The following THSD7A variants were observed in gnomAD, a reference collection of about 807,000 sequenced individuals.
THSD7A encodes the protein thrombospondin type-1 domain-containing protein 7A.
In THSD7A, 96 loss-of-function variants were observed where a neutral mutation model predicts 231.3. The observed-to-expected ratio is 0.41, with a 90% CI of 0.35 to 0.49. The LOEUF (loss-of-function observed/expected upper bound fraction) is 0.49. THSD7A is among the 20% of genes least tolerant of loss of function. The pLI is 0.05. For missense variants in THSD7A, 2,290 were observed against 2,070.2 expected (o/e 1.11, Z -2.06); for synonymous variants, 940 against 743.3 (o/e 1.26, Z -4.30).
intron 2 of THSD7A, among the ~76,000 whole-genome samples, chr7:11,620,056 A>G (rs184681748): frequency 2.0e-5 from 3 of 152,306 alleles, no homozygotes; most frequent in South Asian, 2.1e-4. Flanking sequence ...GGGGTTGACA[A>G]ACGTGATCAA....
At chr7:11,757,544 A>G (rs1306503165) in intron 1 of THSD7A, among the ~76,000 whole-genome samples, 1 of 152,040 alleles carries the variant, frequency 6.6e-6, no homozygotes, top group East Asian at 1.9e-4. Flanking sequence ...ACTTAAATTC[A>G]GATCTTCTGG....
chr7:11,702,189 C>T, intron 1 of THSD7A, among the ~76,000 whole-genome samples: 1 of 151,208 alleles, frequency 6.6e-6, no homozygotes, highest in Non-Finnish European at 1.5e-5. Flanking sequence ...TTTATTAGTT[C>T]ATACTTCTAA....
At chr7:11,720,740 T>C (rs1468951202) in intron 1 of THSD7A, among the ~76,000 whole-genome samples, 1 of 151,758 alleles carries the variant, frequency 6.6e-6, no homozygotes, top group African/African-American at 2.4e-5. Flanking sequence ...GCAAAGTGGA[T>C]CCTTCTCAGG....
In THSD7A at chr7:11,446,774, G is replaced by A. The variant is rs548504092; in HGVS notation, c.2801-450C>T. ...GTTCAGAGTGATGGATCCTAATCCT[G>A]CTCATTATATTCATGCTGTTAGTCA... On this transcript the variant is annotated intron_variant, in intron 12 of 27. Transcript: ENST00000423059. This position sits in a 1 kb window ranked among gnomAD's most constrained non-coding sequence, Gnocchi z 4.0. 1.4e-4 allele frequency among the ~76,000 whole-genome samples: 21 copies of A among 152,186 alleles called. No individual in the cohort carries two copies. Among genetic ancestry groups the A allele is most frequent in the African/African-American group, 5.1e-4 (21 of 41,546 alleles).
At chr7:11,420,826 C>A (rs1479191068) in intron 16 of THSD7A, among the ~76,000 whole-genome samples, 2 of 152,190 alleles carry the variant, frequency 1.3e-5, no homozygotes, top group Non-Finnish European at 2.9e-5. Context: ...GGGAACCCAC[C>A]CCTGTGTCAT....
chr7:11,551,238 C>T (rs1400592297), intron 4 of THSD7A, among the ~76,000 whole-genome samples: 3 of 151,998 alleles, frequency 2.0e-5, no homozygotes, highest in Non-Finnish European at 4.4e-5. Context: ...TACTATAAAA[C>T]TCTAGAAGAA....
At chr7:11,376,748 C>A in intron 26 of THSD7A, 91 bp from the exon 27 acceptor site, 1 of 885,288 alleles carries the variant, frequency 1.1e-6, no homozygotes, top group Non-Finnish European at 1.7e-6. Context: ...TCATATATGA[C>A]CAATTTCTTT....
chr7:11,523,484 G>T (rs1024429939), intron 6 of THSD7A, among the ~76,000 whole-genome samples: 4 of 152,000 alleles, frequency 2.6e-5, no homozygotes, highest in African/African-American at 9.7e-5. Flanking sequence ...GATTATGTGT[G>T]ATTAAAGTTG....
chr7:11,389,420 GCTTTTTTTTTTTTTTTT>G (rs1782891375), intron 23 of THSD7A, among the ~76,000 whole-genome samples: 1 of 54,548 alleles, frequency 1.8e-5, no homozygotes, highest in African/African-American at 5.9e-5. Flanking sequence ...TGCAACTCCT[GCTTTTTTTTTTTTTTTT>G]TTTTTTTTTT....
chr7:11,550,415 T>C (rs1789578229), intron 4 of THSD7A, among the ~76,000 whole-genome samples: 2 of 152,102 alleles, frequency 1.3e-5, no homozygotes, highest in African/African-American at 4.8e-5. Flanking sequence ...CCAAATCTCA[T>C]CTCAAATTGT....
At chr7:11,741,204 C>T (rs182533398) in intron 1 of THSD7A, among the ~76,000 whole-genome samples, 6 of 151,928 alleles carry the variant, frequency 3.9e-5, no homozygotes, top group Admixed American at 6.6e-5. Context: ...CTTTTCCTCC[C>T]GAAGGTAAAA....
At chr7:11,490,140 A>T (rs1339185690) in intron 6 of THSD7A, among the ~76,000 whole-genome samples, 1 of 152,018 alleles carries the variant, frequency 6.6e-6, no homozygotes, top group Non-Finnish European at 1.5e-5. Context: ...CTGGGGTAAA[A>T]GGCTGTCTTC....
intron 4 of THSD7A, among the ~76,000 whole-genome samples, chr7:11,575,596 T>C (rs73290811): frequency 0.024 from 3,716 of 152,276 alleles, 129 homozygotes; most frequent in African/African-American, 0.085. Context: ...CTCCAGATAC[T>C]TGTGTCAGGG....
At chr7:11,587,807 A>T (rs1381179119) in intron 4 of THSD7A, among the ~76,000 whole-genome samples, 5 of 152,146 alleles carry the variant, frequency 3.3e-5, no homozygotes, top group African/African-American at 1.2e-4. Context: ...AACACAATGC[A>T]CCAAGTTAAT....
chr7:11,453,547 G>A (rs1049305060), intron 11 of THSD7A, among the ~76,000 whole-genome samples: 3 of 151,928 alleles, frequency 2.0e-5, no homozygotes, highest in Non-Finnish European at 4.4e-5. Flanking sequence ...TACAACAGAT[G>A]TTCCTTGGCA....
At chr7:11,393,044 G>T (rs527876742) in intron 23 of THSD7A, among the ~76,000 whole-genome samples, 1 of 152,244 alleles carries the variant, frequency 6.6e-6, no homozygotes, top group African/African-American at 2.4e-5. Flanking sequence ...TCTGCTAAGG[G>T]TCATACTCTC....
rs182357331 is a variant in THSD7A at position 11,437,998 on chromosome 7, G to A, written c.3064+8063C>T. ...ATTATAATTTTTAAAGTTCATCCAC[G>A]ATGTATTCCTTTTCCAGGTTTTTTT... On this transcript the variant is annotated intron_variant, in intron 13 of 27. Coordinates refer to ENST00000423059, the MANE Select transcript of THSD7A (RefSeq NM_015204.3). 7.5e-4 allele frequency among the ~76,000 whole-genome samples: 112 copies of A among 148,530 alleles called. 1 individual carries two copies. In the East Asian group the frequency reaches 0.018, roughly 23 times the overall value.
intron 17 of THSD7A, 148 bp from the exon 18 acceptor site, chr7:11,412,948 C>G (rs1562590415): frequency 3.7e-5 from 30 of 807,680 alleles, no homozygotes; most frequent in Non-Finnish European, 5.8e-6. Context: ...CTCAGTTGTT[C>G]AATGTATAAA....
At position 11,792,418 on chromosome 7, in the gene THSD7A, A is replaced by C. The variant is rs534353373; in HGVS notation, c.190+39339T>G. On this transcript the variant is annotated intron_variant, in intron 1 of 27. Transcript: ENST00000423059. Reference sequence around the variant, plus strand: ...ATGAGTCCTTAATCATCTGACTCCTAACGCCAAGCTCTATCTTCCTGAGTT... The same window carrying C: ...ATGAGTCCTTAATCATCTGACTCCTCACGCCAAGCTCTATCTTCCTGAGTT... Among the ~76,000 whole-genome samples, 4 of 152,076 alleles carry C rather than the reference A, an allele frequency of 2.6e-5. No homozygotes were observed. In the South Asian group the frequency reaches 8.3e-4, roughly 31 times the overall value.
Sources: allele counts gnomAD v4.1 joint callset (sites outside exome capture counted in the v4.1 genomes callset), GRCh38; gene constraint gnomAD v4.1.1; non-coding constraint Gnocchi (gnomAD v3.1); transcripts MANE v1.5; gene names NCBI Gene and HGNC (gene_info 2026-07-23, HGNC 2026-07-21).